C19orf18: variants seen among roughly 807,000 people sequenced by gnomAD.
C19orf18 encodes chromosome 19 open reading frame 18.
In C19orf18, 21 loss-of-function variants were observed where a neutral mutation model predicts 23.3. That is an observed-to-expected ratio of 0.90 (90% CI 0.64 to 1.30). The LOEUF (loss-of-function observed/expected upper bound fraction) is 1.30. Ranked by LOEUF, C19orf18 falls within the 50% of genes most tolerant of loss-of-function variation. The pLI is 0.00. For synonymous variants in C19orf18, 96 were observed against 95.2 expected (o/e 1.01, Z -0.05); for missense variants, 249 against 259.6 (o/e 0.96, Z 0.28).
At chr19:57,960,119 GATAA>G (rs1238270537) in intron 5 of C19orf18, among the ~76,000 whole-genome samples, 1 of 145,566 alleles carries the variant, frequency 6.9e-6, no homozygotes. Flanking sequence ...AAAAAAAAAA[GATAA>G]ATAAATAAAA....
chr19:57,962,924 C>A (rs1205944233), intron 4 of C19orf18, among the ~76,000 whole-genome samples: 1 of 151,674 alleles, frequency 6.6e-6, no homozygotes, highest in Non-Finnish European at 1.5e-5. Flanking sequence ...AAGGCTGGGA[C>A]AGGAGCAAGA....
chr19:57,972,468 T>C lies in C19orf18; in HGVS notation c.263A>G (p.Asn88Ser). 6.2e-7 allele frequency: 1 copy of C among 1,614,048 alleles called. No homozygotes were observed. Among genetic ancestry groups the C allele is most frequent in the East Asian group, 2.2e-5 (1 of 44,874 alleles). Residue 88 changes from asparagine (N) to serine (S), a missense_variant, in exon 3 of 6, where the codon AAT (asparagine) becomes AGT (serine). Asn to Ser is a conservative substitution (Grantham distance 46). Coordinates refer to ENST00000314391, the MANE Select transcript of C19orf18 (RefSeq NM_152474.5). The stretch of plus-strand genomic sequence containing the variant: ...TCCCAGATCCCTTGGCTTACCTTTA[T>C]TCCTCAGGAATTTCATGGGGTTCGT... ...SPTNPMKFLR[N>S]KAIIRHRPAL...
intron 4 of C19orf18, among the ~76,000 whole-genome samples, chr19:57,962,529 C>G (rs2072880587): frequency 6.6e-6 from 1 of 152,116 alleles, no homozygotes; most frequent in South Asian, 2.1e-4. Context: ...ACATACTTAC[C>G]TTCCCAGTAC....
chr19:57,970,674 G>A (rs992654213), intron 3 of C19orf18, among the ~76,000 whole-genome samples: 7 of 151,468 alleles, frequency 4.6e-5, no homozygotes, highest in Non-Finnish European at 5.9e-5. Flanking sequence ...TCAGCCTCCC[G>A]GGTTCTCCTA....
Position 57,974,524 on chromosome 19 carries a change from G to C in C19orf18, c.-92C>G. Reference sequence around the variant, plus strand: ...GTCCTCTATTTATCTGAGGAATCAAGAAGTTCTACTCCCTTCAGAATGTTT... The same window carrying C: ...GTCCTCTATTTATCTGAGGAATCAACAAGTTCTACTCCCTTCAGAATGTTT... On this transcript the variant is annotated 5_prime_UTR_variant, in exon 1 of 6. Transcript: ENST00000314391. 6.6e-7 allele frequency: 1 copy of C among 1,508,880 alleles called. No individual in the cohort carries two copies. Among genetic ancestry groups the C allele is most frequent in the South Asian group, 1.2e-5 (1 of 83,094 alleles). The allele number at this position is 1,508,880 out of a possible 1,614,324, so 93.5% of individuals were successfully genotyped here. A position where few individuals can be genotyped will look rare whatever the true frequency, so the allele number is the denominator to read the frequency against.
rs889169859 is a variant in C19orf18 at position 57,974,326 on chromosome 19, A to G, written c.107T>C (p.Ile36Thr). The G allele has an allele frequency of 1.2e-5, 19 of 1,614,024 alleles. 1 individual carries two copies. The Admixed American group carries it at 2.0e-4, about 17-fold the overall frequency. Reference protein sequence around the residue: ...YADGLHPTGNITGLPGSKRSQ... With the variant: ...YADGLHPTGNTTGLPGSKRSQ... The stretch of plus-strand genomic sequence containing the variant: ...GTTGAAGCTACCTGGTAAGCCTGTT[A>G]TGTTTCCAGTGGGATGGAGTCCATC... The change falls in exon 1 of 6, where the codon ATA becomes ACA. Residue 36 changes from isoleucine to threonine, a missense_variant. Transcript: ENST00000314391.
rs993558170 is a variant in C19orf18 at position 57,974,098 on chromosome 19, C to T, written c.226+1G>A. On this transcript the variant is annotated splice_donor_variant, in intron 2 of 5. Coordinates refer to ENST00000314391, the MANE Select transcript of C19orf18 (RefSeq NM_152474.5). LOFTEE classifies it high-confidence loss of function. ...ACTGAATGAGGAATTCAATGACTCACCCGTGGATCTCGAGGCAGCCCCTTG... is the reference window on the plus strand; with the variant it reads ...ACTGAATGAGGAATTCAATGACTCATCCGTGGATCTCGAGGCAGCCCCTTG... 6.2e-7 allele frequency: 1 copy of T among 1,613,110 alleles called. No individual in the cohort carries two copies. The highest frequency in any genetic ancestry group is 8.5e-7 in the Non-Finnish European group (1 of 1,179,208).
rs879002349 is a variant in C19orf18, at chr19:57,961,508, A to G, written c.415T>C (p.Tyr139His). Residue 139 changes from tyrosine to histidine, a missense_variant, in exon 5 of 6, where the codon TAT becomes CAT. Tyr to His is a moderately conservative substitution (Grantham distance 83). Coordinates refer to ENST00000314391, the MANE Select transcript of C19orf18 (RefSeq NM_152474.5). Reference sequence around the variant, plus strand: ...AATAACGGTATCCTGAGGTTCTTATAAAGTGACTCGAGCTGTTGTCTTTCC... The same window carrying G: ...AATAACGGTATCCTGAGGTTCTTATGAAGTGACTCGAGCTGTTGTCTTTCC... Reference protein sequence around the residue: ...AEERQQLESLYKNLRIPLLGD... With the variant: ...AEERQQLESLHKNLRIPLLGD... 2 of 1,614,118 alleles carry G rather than the reference A, an allele frequency of 1.2e-6. No homozygotes were observed. The highest frequency in any genetic ancestry group is 1.1e-5 in the South Asian group (1 of 91,072).
chr19:57,962,868 A>C (rs373774747), intron 4 of C19orf18, among the ~76,000 whole-genome samples: 2 of 151,930 alleles, frequency 1.3e-5, no homozygotes, highest in East Asian at 1.9e-4. Context: ...AAAAAAAAAA[A>C]CAAAAAACTT....
At chr19:57,970,818 C>T (rs773350429) in intron 3 of C19orf18, among the ~76,000 whole-genome samples, 1 of 152,186 alleles carries the variant, frequency 6.6e-6, no homozygotes, top group Admixed American at 6.5e-5. Context: ...CCTCAGCCCC[C>T]CAAAGTGTTG....
intron 2 of C19orf18, among the ~76,000 whole-genome samples, chr19:57,973,192 G>GAGAGCCAGGC (rs2072958660): frequency 8.3e-6 from 1 of 120,816 alleles, no homozygotes; most frequent in East Asian, 2.7e-4. Flanking sequence ...AAAAGGATCA[G>GAGAGCCAGGC]AGAGCCAGGC....
At chr19:57,972,108 A>G (rs2072949077) in intron 3 of C19orf18, among the ~76,000 whole-genome samples, 1 of 152,178 alleles carries the variant, frequency 6.6e-6, no homozygotes, top group Admixed American at 6.5e-5. Context: ...AGGACTCTGA[A>G]GCGAGAGGTG....
chr19:57,961,316 G>C (rs1323398828), intron 5 of C19orf18, 75 bp downstream of exon 5: 1 of 1,408,702 alleles, frequency 7.1e-7, no homozygotes, highest in Non-Finnish European at 9.7e-7. Context: ...CCACCGCTGA[G>C]AAAGAAAGAA....
At chr19:57,970,916 G>A (rs548897580) in intron 3 of C19orf18, among the ~76,000 whole-genome samples, 4 of 152,184 alleles carry the variant, frequency 2.6e-5, no homozygotes, top group Middle Eastern at 6.8e-3. Flanking sequence ...ACCTACAACT[G>A]GGACCTGAAG....
chr19:57,961,264 A>T (rs2072869774), intron 5 of C19orf18, 127 bp downstream of exon 5: 4 of 1,029,150 alleles, frequency 3.9e-6, no homozygotes, highest in Non-Finnish European at 5.5e-6. Context: ...GAAAGGAAGG[A>T]AGAAAGAAAG....
chr19:57,961,850 A>C (rs2072874077), intron 4 of C19orf18, among the ~76,000 whole-genome samples: 1 of 151,690 alleles, frequency 6.6e-6, no homozygotes, highest in South Asian at 2.1e-4. Context: ...AATCAAACAA[A>C]TCATCTTTCT....
At chr19:57,966,504 G>A in intron 4 of C19orf18, 26 bp downstream of exon 4, 1 of 1,393,386 alleles carries the variant, frequency 7.2e-7, no homozygotes. Context: ...TTTAAGGACA[G>A]CAGATATTAC....
chr19:57,962,176 T>C (rs544293131), intron 4 of C19orf18, among the ~76,000 whole-genome samples: 1 of 151,972 alleles, frequency 6.6e-6, no homozygotes, highest in Admixed American at 6.6e-5. Flanking sequence ...GACCACAGGC[T>C]CGTGGCACCA....
chr19:57,964,783 C>T (rs1600205677), intron 4 of C19orf18, among the ~76,000 whole-genome samples: 8 of 152,156 alleles, frequency 5.3e-5, no homozygotes, highest in South Asian at 2.1e-4. Context: ...CTTAATTCAA[C>T]GAAGCAAGCA....
Sources: gnomAD v4.1 joint callset for allele counts (sites outside exome capture counted in the v4.1 genomes callset) on GRCh38, gnomAD v4.1.1 for gene constraint, MANE v1.5 for transcripts, NCBI Gene and HGNC (gene_info 2026-07-23, HGNC 2026-07-21) for gene names.